The following PHTF1 variants were observed in gnomAD, a reference collection of about 807,000 sequenced individuals.
PHTF1 encodes the protein putative homeodomain transcription factor 1, also known as protein PHTF1.
Under a neutral mutation model 102.4 loss-of-function variants are expected in PHTF1, and 88 were observed. The ratio of observed to expected loss-of-function variants is 0.86; its 90% CI spans 0.72 to 1.03. The LOEUF is 1.03. PHTF1 is among the 50% of genes least tolerant of loss of function. The probability of loss-of-function intolerance (pLI) is 0.00; values close to 1 mark genes in which losing one functional copy is unlikely to be tolerated. For missense variants in PHTF1, 814 were observed against 909.5 expected, an observed-to-expected ratio of 0.89 and a Z score of 1.35; for synonymous variants, 289 against 305.2, an observed-to-expected ratio of 0.95 and a Z score of 0.55.
At chr1:113,738,026 A>C (rs1373025917) in intron 5 of PHTF1, 84 bp downstream of exon 5, 2 of 926,976 alleles carry the variant, frequency 2.2e-6, no homozygotes, top group Non-Finnish European at 3.4e-6. Context: ...GAAAGGGTAA[A>C]TGTAAAATCA....
At chr1:113,710,921 C>T (rs1200280507) in intron 10 of PHTF1, among the ~76,000 whole-genome samples, 2 of 151,332 alleles carry the variant, frequency 1.3e-5, no homozygotes, top group East Asian at 1.9e-4. Context: ...GCTGAGATTA[C>T]AGGCATGAGC....
intron 7 of PHTF1, among the ~76,000 whole-genome samples, chr1:113,723,262 C>T (rs1488409987): frequency 1.3e-5 from 2 of 151,620 alleles, no homozygotes; most frequent in Non-Finnish European, 2.9e-5. Context: ...GCTGCAACCT[C>T]TGCCTCCCAG....
At chr1:113,741,255 G>C (rs1656306527) in intron 3 of PHTF1, among the ~76,000 whole-genome samples, 1 of 152,100 alleles carries the variant, frequency 6.6e-6, no homozygotes, top group African/African-American at 2.4e-5. Flanking sequence ...CTCACCATAA[G>C]CTGTAGATTT....
chr1:113,701,521 C>T (rs188336239), intron 15 of PHTF1, among the ~76,000 whole-genome samples: 9 of 152,064 alleles, frequency 5.9e-5, no homozygotes, highest in Admixed American at 1.3e-4. Flanking sequence ...ATGGAATTTA[C>T]TGAAAAACAT....
At chr1:113,755,773 G>A (rs988865423) in intron 3 of PHTF1, among the ~76,000 whole-genome samples, 1 of 152,116 alleles carries the variant, frequency 6.6e-6, no homozygotes, top group South Asian at 2.1e-4. Context: ...AGGAAATCAG[G>A]CAGGGCGCGG....
rs1267909902 is a variant in PHTF1, at chr1:113,756,536, A to C, written c.102+1163T>G. Among the ~76,000 whole-genome samples the C allele has an allele frequency of 8.5e-5, 13 of 152,204 alleles. 1 individual carries two copies. Among genetic ancestry groups the C allele is most frequent in the African/African-American group, 3.1e-4 (13 of 41,444 alleles). ...AAGGAAGTGAGGCCCTGAATCCATA[A>C]GATTTAAGTAAGTATTAAAGTCGCA... On this transcript the variant is annotated intron_variant, in intron 3 of 18. Coordinates refer to ENST00000369604, the MANE Select transcript of PHTF1 (RefSeq NM_001323043.2).
At chr1:113,730,805 T>C (rs1430574980) in intron 5 of PHTF1, among the ~76,000 whole-genome samples, 3 of 152,218 alleles carry the variant, frequency 2.0e-5, no homozygotes, top group African/African-American at 7.2e-5. Flanking sequence ...AAACTAAACA[T>C]GGTATCTACA....
intron 15 of PHTF1, among the ~76,000 whole-genome samples, chr1:113,702,840 G>A (rs1649602789): frequency 6.6e-6 from 1 of 152,182 alleles, no homozygotes; most frequent in Admixed American, 6.5e-5. Context: ...ATTACAAATA[G>A]AGACATTTTG....
intron 7 of PHTF1, among the ~76,000 whole-genome samples, chr1:113,722,626 G>T (rs1653139736): frequency 6.6e-6 from 1 of 151,496 alleles, no homozygotes; most frequent in Admixed American, 6.6e-5. Context: ...AATTTACATG[G>T]AATTGGCCAG....
At chr1:113,709,431 C>A (rs1017843641) in intron 11 of PHTF1, among the ~76,000 whole-genome samples, 4 of 151,970 alleles carry the variant, frequency 2.6e-5, no homozygotes, top group African/African-American at 9.7e-5. Flanking sequence ...AAATATTTAG[C>A]CTAAAGAACA....
At chr1:113,725,035 G>T in intron 6 of PHTF1, 142 bp from the exon 7 acceptor site, 1 of 590,584 alleles carries the variant, frequency 1.7e-6, no homozygotes, top group Non-Finnish European at 2.8e-6. Context: ...GATAAACTAT[G>T]CAAGAACTTT....
At chr1:113,757,834 T>G in intron 2 of PHTF1, 79 bp from the exon 3 acceptor site, 1 of 916,386 alleles carries the variant, frequency 1.1e-6, no homozygotes, top group Non-Finnish European at 1.8e-6. Flanking sequence ...ATAAAAGTCA[T>G]GAGCCTATTA....
At chr1:113,741,237 C>A (rs941511429) in intron 3 of PHTF1, among the ~76,000 whole-genome samples, 2 of 151,982 alleles carry the variant, frequency 1.3e-5, no homozygotes, top group African/African-American at 4.8e-5. Context: ...TTATATATTT[C>A]TATTCAACTC....
intron 15 of PHTF1, among the ~76,000 whole-genome samples, chr1:113,701,826 TAAAAAAA>T (rs34844793): frequency 0.017 from 469 of 27,940 alleles, 4 homozygotes; most frequent in Middle Eastern, 0.031. Flanking sequence ...CAATTCCTGG[TAAAAAAA>T]AAAAAAAAAA....
chr1:113,744,608 T>A (rs1287647246), intron 3 of PHTF1, among the ~76,000 whole-genome samples: 1 of 152,170 alleles, frequency 6.6e-6, no homozygotes, highest in Non-Finnish European at 1.5e-5. Context: ...TCTAACCTGA[T>A]ACCTGAAGAA....
At chr1:113,745,071 T>A (rs1033722622) in intron 3 of PHTF1, among the ~76,000 whole-genome samples, 3 of 150,510 alleles carry the variant, frequency 2.0e-5, no homozygotes, top group Non-Finnish European at 3.0e-5. Flanking sequence ...AAGAAAAGCA[T>A]GAGAGGACCC....
At chr1:113,699,660 T>G (rs1649227201) in intron 17 of PHTF1, 44 bp downstream of exon 17, 3 of 830,766 alleles carry the variant, frequency 3.6e-6, no homozygotes, top group Admixed American at 2.2e-5. Context: ...AAAGACTGAT[T>G]TAACTCAAAT....
chr1:113,749,142 A>G (rs1415055772), intron 3 of PHTF1, among the ~76,000 whole-genome samples: 1 of 152,186 alleles, frequency 6.6e-6, no homozygotes, highest in Non-Finnish European at 1.5e-5. Flanking sequence ...CAGTCTTTTT[A>G]TAGTATCCAG....
In PHTF1 at chr1:113,740,841, G is replaced by A. The variant is rs144264425; in HGVS notation, c.103-2042C>T. On this transcript the variant is annotated intron_variant, in intron 3 of 18. Coordinates refer to ENST00000369604, the MANE Select transcript of PHTF1 (RefSeq NM_001323043.2). ...AGGTCAAGAGTTTGAGACCAGCCTG[G>A]CCAACATGCTGAAACTCTATCTCTA... Among the ~76,000 whole-genome samples, 772 of 152,214 alleles carry A rather than the reference G, an allele frequency of 5.1e-3. 7 individuals carry two copies. The highest frequency in any genetic ancestry group is 0.016 in the African/African-American group (663 of 41,530).
Sources: allele counts gnomAD v4.1 joint callset (sites outside exome capture counted in the v4.1 genomes callset), GRCh38; gene constraint gnomAD v4.1.1; transcripts MANE v1.5; gene names NCBI Gene and HGNC (gene_info 2026-07-23, HGNC 2026-07-21).